The following CDKL5 variants were observed in gnomAD, a reference collection of about 807,000 sequenced individuals.
CDKL5 encodes the protein cyclin dependent kinase like 5.
Under a neutral mutation model 61.7 loss-of-function variants are expected in CDKL5, and 8 were observed. That is an observed-to-expected ratio of 0.13 (90% CI 0.08 to 0.23). CDKL5 has a LOEUF of 0.23. CDKL5 is among the 10% of genes least tolerant of loss of function. The pLI is 1.00. For synonymous variants in CDKL5, 275 were observed against 272.3 expected, an observed-to-expected ratio of 1.01 and a Z score of -0.10; for missense variants, 440 against 734.5, an observed-to-expected ratio of 0.60 and a Z score of 4.63.
intron 1 of CDKL5, among the ~76,000 whole-genome samples, chrX:18,492,686 T>C (rs180765819): frequency 9.0e-6 from 1 of 111,505 alleles, no homozygotes; most frequent in African/African-American, 3.3e-5. Context: ...GTCCCAAATC[T>C]ATTCATTTCT....
intron 10 of CDKL5, among the ~76,000 whole-genome samples, chrX:18,596,482 T>C (rs1925999656): frequency 8.9e-6 from 1 of 112,307 alleles, no homozygotes; most frequent in Non-Finnish European, 1.9e-5. Context: ...CAAATTTAAT[T>C]AAATACTGAA....
At chrX:18,484,200 C>A (rs772526454) in intron 1 of CDKL5, among the ~76,000 whole-genome samples, 70 of 112,449 alleles carry the variant, frequency 6.2e-4, no homozygotes, top group African/African-American at 2.1e-3. Flanking sequence ...ATGTCATTTG[C>A]ATGAAATGAG....
chrX:18,486,342 T>A (rs1921794122), intron 1 of CDKL5, among the ~76,000 whole-genome samples: 1 of 111,891 alleles, frequency 8.9e-6, no homozygotes, highest in African/African-American at 3.2e-5. Flanking sequence ...CTCTTCACAT[T>A]GGAAAGCAGG....
intron 3 of CDKL5, among the ~76,000 whole-genome samples, chrX:18,537,869 G>T (rs747627589): frequency 2.7e-5 from 3 of 112,072 alleles, no homozygotes; most frequent in African/African-American, 9.7e-5. Flanking sequence ...TTTTTAGTAT[G>T]CTGTAGTATA....
intron 1 of CDKL5, among the ~76,000 whole-genome samples, chrX:18,474,057 T>C (rs1011074314): frequency 2.7e-5 from 3 of 109,986 alleles, no homozygotes; most frequent in African/African-American, 9.9e-5. Flanking sequence ...TTGGTAGAGA[T>C]GGGGTTTCAC....
Position 18,630,244 on chromosome X carries a change from A to G in CDKL5, c.*1487A>G, listed in dbSNP as rs979867535. 4 of 751,003 alleles carry G rather than the reference A, an allele frequency of 5.3e-6. No individual in the cohort carries two copies. The African/African-American group carries it at 9.4e-5, about 18-fold the overall frequency. The allele number at this position is 751,003 out of a possible 1,213,427, so 61.9% of individuals were successfully genotyped here. On this transcript the variant is annotated 3_prime_UTR_variant, in exon 18 of 18. Coordinates refer to ENST00000623535, the MANE Select transcript of CDKL5 (RefSeq NM_001323289.2). ...ATCTTCCCCTCATCTGATCTCTTTC[A>G]GCTCCCAAGTTACTCCCAAGTATCA...
Position 18,604,880 on chromosome X carries a change from C to A in CDKL5, c.1944+12C>A, listed in dbSNP as rs1926309703. 2 of 1,208,727 alleles carry A rather than the reference C, an allele frequency of 1.7e-6. No individual in the cohort carries two copies. Among genetic ancestry groups the A allele is most frequent in the African/African-American group, 3.5e-5 (2 of 57,047 alleles). On this transcript the variant is annotated intron_variant, in intron 12 of 17. Coordinates refer to ENST00000623535, the MANE Select transcript of CDKL5 (RefSeq NM_001323289.2). ...TCTTGTCACCCCAGGTACAGTTGAGCACCTTGACTGAATCTGGTGGCCCTT... is the reference window on the plus strand; with the variant it reads ...TCTTGTCACCCCAGGTACAGTTGAGAACCTTGACTGAATCTGGTGGCCCTT...
At chrX:18,507,395 C>A (rs1922617862) in intron 2 of CDKL5, among the ~76,000 whole-genome samples, 2 of 109,274 alleles carry the variant, frequency 1.8e-5, no homozygotes, top group African/African-American at 6.6e-5. Flanking sequence ...AGATTTTTTT[C>A]CCTTTTCTTT....
At chrX:18,567,427 C>A (rs1261420817) in intron 4 of CDKL5, among the ~76,000 whole-genome samples, 4 of 111,780 alleles carry the variant, frequency 3.6e-5, no homozygotes, top group African/African-American at 1.3e-4. Flanking sequence ...GTTTAAAAGT[C>A]TTAGTGAAGA....
At chrX:18,642,505 C>T (rs1055148456), downstream of CDKL5, among the ~76,000 whole-genome samples, 10 of 112,110 alleles carry the variant, frequency 8.9e-5, no homozygotes, top group African/African-American at 3.2e-4. Flanking sequence ...ACAGAAAGTT[C>T]TATTGGAGGG....
intron 15 of CDKL5, among the ~76,000 whole-genome samples, 162 bp from the exon 16 acceptor site, chrX:18,619,705 T>G (rs1020701154): frequency 2.7e-5 from 3 of 112,075 alleles, no homozygotes; most frequent in African/African-American, 9.7e-5. Context: ...TTGATTAAAT[T>G]TAGTTCCTCC....
In CDKL5 at chrX:18,619,904, A is replaced by T; in HGVS notation, c.2314A>T (p.Lys772Ter). Residue 772 changes from lysine (K) to a stop codon, truncating the protein, a stop_gained, in exon 16 of 18, where the codon AAG becomes TAG. Coordinates refer to ENST00000623535, the MANE Select transcript of CDKL5 (RefSeq NM_001323289.2). LOFTEE classifies it high-confidence loss of function. ...PENISHSEQL[K>*]EKEKQGFFRS... ...AAATATTAGTCATTCAGAGCAACTCAAGGAAAAAGAGAAGCAAGGATTTTT... is the reference window on the plus strand; with the variant it reads ...AAATATTAGTCATTCAGAGCAACTCTAGGAAAAAGAGAAGCAAGGATTTTT... 8.3e-7 allele frequency: 1 copy of T among 1,203,775 alleles called. No homozygotes were observed.
At chrX:18,575,204 C>T (rs368689453) in intron 4 of CDKL5, 150 bp from the exon 5 acceptor site, 9 of 485,727 alleles carry the variant, frequency 1.9e-5, no homozygotes, top group East Asian at 7.5e-5. Context: ...AACAAGAAAA[C>T]GTGTTATTTA....
chrX:18,472,368 T>C (rs369877925), intron 1 of CDKL5, among the ~76,000 whole-genome samples: 427 of 111,996 alleles, frequency 3.8e-3, no homozygotes, highest in Non-Finnish European at 6.8e-3. Context: ...GTTGTTAAAG[T>C]TTTACAATCC....
intron 3 of CDKL5, among the ~76,000 whole-genome samples, chrX:18,538,316 A>G (rs995566869): frequency 2.7e-5 from 3 of 111,792 alleles, no homozygotes; most frequent in African/African-American, 9.8e-5. Flanking sequence ...TAAGTTCTTT[A>G]TATATTCTGG....
exon 22 of CDKL5, chrX:18,653,572 T>A: frequency 8.3e-7 from 1 of 1,202,073 alleles, no homozygotes; most frequent in Non-Finnish European, 1.1e-6. Context: ...CTGGTCCCAA[T>A]GCCCTGAATC....
intron 3 of CDKL5, among the ~76,000 whole-genome samples, chrX:18,538,044 T>C (rs905518717): frequency 2.7e-5 from 3 of 112,126 alleles, no homozygotes; most frequent in Non-Finnish European, 5.6e-5. Context: ...TGTACAATTT[T>C]ACCTTCCCAT....
chrX:18,511,465 G>T (rs1922824799), intron 3 of CDKL5, among the ~76,000 whole-genome samples: 1 of 110,373 alleles, frequency 9.1e-6, no homozygotes, highest in South Asian at 3.9e-4. Context: ...TATGATGGTG[G>T]TCCCGTAAGA....
Position 18,629,873 on chromosome X carries a change from A to C in CDKL5, c.*1116A>C, listed in dbSNP as rs1927186253. 6 of 754,175 alleles carry C rather than the reference A, an allele frequency of 8.0e-6. No homozygotes were observed. The highest frequency in any genetic ancestry group is 9.4e-6 in the Non-Finnish European group (6 of 639,171). 62.2% of individuals were successfully genotyped at this position (754,175 alleles called of 1,213,427 possible). On this transcript the variant is annotated 3_prime_UTR_variant, in exon 18 of 18. Transcript: ENST00000623535. The stretch of plus-strand genomic sequence containing the variant: ...GAGAGAATGTGCTCTTCCACTTAGC[A>C]TTAGTGTAGAGCGTAGACCAAAGAT...
Sources: allele counts gnomAD v4.1 joint callset (sites outside exome capture counted in the v4.1 genomes callset), GRCh38; gene constraint gnomAD v4.1.1; transcripts MANE v1.5; gene names NCBI Gene and HGNC (gene_info 2026-07-23, HGNC 2026-07-21).